The following PCDHA8 variants were observed in gnomAD, a reference collection of about 807,000 sequenced individuals.
The protein encoded by PCDHA8 is protocadherin alpha 8, also known as protocadherin alpha-8.
PCDHA8 carries 53 observed loss-of-function variants against 61.8 expected under a neutral mutation model. The ratio of observed to expected loss-of-function variants is 0.86; its 90% confidence interval spans 0.69 to 1.08. The LOEUF (loss-of-function observed/expected upper bound fraction) is 1.08. PCDHA8 is among the 50% of genes least tolerant of loss of function. The probability of loss-of-function intolerance (pLI) is 0.00; values close to 1 mark genes in which losing one functional copy is unlikely to be tolerated. For synonymous variants in PCDHA8, 618 were observed against 556.6 expected (o/e 1.11, Z -1.55); for missense variants, 1,293 against 1,245.0 (o/e 1.04, Z -0.58).
At chr5:140,953,062 C>A (rs2094842577) in intron 1 of PCDHA8, among the ~76,000 whole-genome samples, 1 of 152,160 alleles carries the variant, frequency 6.6e-6, no homozygotes, top group East Asian at 1.9e-4. Context: ...CTCTCACAGG[C>A]CCCATCTCCA....
chr5:140,923,792 T>G (rs2081513332), intron 1 of PCDHA8, among the ~76,000 whole-genome samples: 1 of 152,310 alleles, frequency 6.6e-6, no homozygotes, highest in South Asian at 2.1e-4. Flanking sequence ...CTTCATTCTT[T>G]TCACAAATGA....
intron 1 of PCDHA8, among the ~76,000 whole-genome samples, chr5:140,889,878 A>G (rs1456816812): frequency 6.6e-6 from 1 of 152,178 alleles, no homozygotes; most frequent in African/African-American, 2.4e-5. Flanking sequence ...GCCTGCCACC[A>G]TGTAAGAATT....
intron 1 of PCDHA8, chr5:140,858,360 G>T: frequency 6.3e-7 from 1 of 1,592,532 alleles, no homozygotes; most frequent in Non-Finnish European, 8.6e-7. Context: ...ATGGCCTTCA[G>T]CCCCAGCCTT....
At chr5:140,882,814 A>T in intron 1 of PCDHA8, 1 of 1,614,248 alleles carries the variant, frequency 6.2e-7, no homozygotes, top group East Asian at 2.2e-5. Context: ...CTTTGGACGC[A>T]CAAAACAGTC....
chr5:140,979,076 C>T, intron 2 of PCDHA8, 69 bp downstream of exon 2: 1 of 1,584,068 alleles, frequency 6.3e-7, no homozygotes, highest in Non-Finnish European at 8.6e-7. Flanking sequence ...AACTGCATCT[C>T]CATAGGCCAG....
chr5:140,967,645 G>A lies in PCDHA8; in HGVS notation c.2395-11304G>A, dbSNP rs782043521. ...ATGAGGGCTCCAATGGTGAGCTCAG[G>A]TACTCCTTGAGCAGCTACACGTCGG... On this transcript the variant is annotated intron_variant, in intron 1 of 3. Transcript: ENST00000531613. 1.9e-5 allele frequency: 30 copies of A among 1,614,144 alleles called. 1 individual carries two copies. In the South Asian group the frequency reaches 3.2e-4, roughly 17 times the overall value.
At chr5:140,872,270 T>G (rs1246364406) in intron 1 of PCDHA8, among the ~76,000 whole-genome samples, 1 of 152,172 alleles carries the variant, frequency 6.6e-6, no homozygotes, top group African/African-American at 2.4e-5. Context: ...TCATATTGTT[T>G]GAAGAAAAAA....
chr5:140,927,939 A>G (rs782391525), intron 1 of PCDHA8: 1 of 1,614,234 alleles, frequency 6.2e-7, no homozygotes, highest in Non-Finnish European at 8.5e-7. Flanking sequence ...CGAACCCAGT[A>G]CCTGAGGACG....
intron 3 of PCDHA8, among the ~76,000 whole-genome samples, chr5:141,002,107 C>T (rs991036721): frequency 6.6e-6 from 1 of 152,246 alleles, no homozygotes. Context: ...GGGCCGGAAA[C>T]GGCTATAATC....
intron 1 of PCDHA8, chr5:140,927,766 G>A: frequency 1.2e-6 from 2 of 1,614,234 alleles, no homozygotes; most frequent in Non-Finnish European, 1.7e-6. Context: ...TAAAAGTGGG[G>A]AGGTGCAAGT....
At chr5:140,938,002 G>A (rs1396127552) in intron 1 of PCDHA8, among the ~76,000 whole-genome samples, 1 of 151,938 alleles carries the variant, frequency 6.6e-6, no homozygotes, top group Non-Finnish European at 1.5e-5. Context: ...TGTATCCAAT[G>A]TTCTTGCTAA....
At chr5:140,977,661 CTGCA>C (rs1554238727) in intron 1 of PCDHA8, among the ~76,000 whole-genome samples, 1 of 152,168 alleles carries the variant, frequency 6.6e-6, no homozygotes, top group Non-Finnish European at 1.5e-5. Flanking sequence ...GGCTAATTCT[CTGCA>C]TGCCAAATAT....
chr5:140,915,259 T>C (rs1344301014), intron 1 of PCDHA8, among the ~76,000 whole-genome samples: 1 of 152,182 alleles, frequency 6.6e-6, no homozygotes, highest in East Asian at 1.9e-4. Context: ...GTTGTTATTA[T>C]TTTTGACCAG....
intron 1 of PCDHA8, among the ~76,000 whole-genome samples, chr5:140,950,241 G>T (rs191139851): frequency 2.0e-5 from 3 of 152,014 alleles, no homozygotes; most frequent in African/African-American, 4.8e-5. Flanking sequence ...CCATTAATTT[G>T]TTCCTAAAGA....
intron 1 of PCDHA8, chr5:140,875,272 A>G: frequency 1.6e-6 from 2 of 1,265,056 alleles, no homozygotes; most frequent in Non-Finnish European, 2.1e-6. Context: ...CTCTACACTC[A>G]GAAGGTGAAA....
chr5:140,898,118 A>T (rs2153459272), intron 1 of PCDHA8, among the ~76,000 whole-genome samples: 1 of 151,730 alleles, frequency 6.6e-6, no homozygotes, highest in Non-Finnish European at 1.5e-5. Context: ...GGTTGCGAAA[A>T]TTTTCTCCCA....
intron 1 of PCDHA8, among the ~76,000 whole-genome samples, chr5:140,933,379 G>A (rs1403607512): frequency 6.6e-6 from 1 of 151,928 alleles, no homozygotes; most frequent in East Asian, 1.9e-4. Flanking sequence ...TTCCTTGGCT[G>A]TTCCTAGAGC....
chr5:140,856,130 G>A lies in PCDHA8; in HGVS notation c.2394+12415G>A. The stretch of plus-strand genomic sequence containing the variant: ...CCTCGCAGCCTGGGAGGTGGGGAGC[G>A]GCCAGCTCCACTACTCAGTCTACGA... On this transcript the variant is annotated intron_variant, in intron 1 of 3. Transcript: ENST00000531613. 7 of 1,598,068 alleles carry A rather than the reference G, an allele frequency of 4.4e-6. 1 individual carries two copies. The highest frequency in any genetic ancestry group is 6.0e-6 in the Non-Finnish European group (7 of 1,167,790).
intron 1 of PCDHA8, among the ~76,000 whole-genome samples, chr5:140,901,839 A>G (rs578262204): frequency 6.6e-6 from 1 of 152,226 alleles, no homozygotes; most frequent in Admixed American, 6.5e-5. Context: ...TAAACATGCA[A>G]TATCTTTCCA....
Sources: gnomAD v4.1 joint callset for allele counts (sites outside exome capture counted in the v4.1 genomes callset) on GRCh38, gnomAD v4.1.1 for gene constraint, MANE v1.5 for transcripts, NCBI Gene and HGNC (gene_info 2026-07-23, HGNC 2026-07-21) for gene names.